Variants in GRM7 observed in about 807,000 individuals in gnomAD.
The protein encoded by GRM7 is glutamate metabotropic receptor 7.
GRM7 carries 35 observed loss-of-function variants against 84.5 expected under a neutral mutation model. The ratio of observed to expected loss-of-function variants is 0.41; its 90% CI spans 0.32 to 0.55. GRM7 has a LOEUF of 0.55. Ranked by LOEUF, GRM7 falls within the 20% of genes least tolerant of loss-of-function variation. GRM7 has a pLI of 0.19. For missense variants in GRM7, 1,003 were observed against 1,194.6 expected (o/e 0.84, Z 2.36); for synonymous variants, 487 against 455.1 (o/e 1.07, Z -0.89).
chr3:7,600,476 G>A (rs543190465), intron 8 of GRM7, among the ~76,000 whole-genome samples: 63 of 152,168 alleles, frequency 4.1e-4, no homozygotes, highest in Middle Eastern at 6.8e-3. Context: ...CAACACAAAT[G>A]ACCTAGTTAT....
At chr3:7,378,043 C>T (rs1170147383) in intron 4 of GRM7, among the ~76,000 whole-genome samples, 6 of 152,150 alleles carry the variant, frequency 3.9e-5, no homozygotes, top group Admixed American at 2.6e-4. Context: ...CATCCCAATT[C>T]ATGTAGTTTT....
chr3:6,970,241 GC>G (rs1221278182), intron 1 of GRM7, among the ~76,000 whole-genome samples: 1 of 148,800 alleles, frequency 6.7e-6, no homozygotes, highest in Non-Finnish European at 1.5e-5. Flanking sequence ...ACAGGTTGCA[GC>G]TAATGTTTAA....
intron 1 of GRM7, among the ~76,000 whole-genome samples, chr3:7,017,334 A>G (rs1695600706): frequency 6.6e-6 from 1 of 152,226 alleles, no homozygotes. Context: ...ACTAATAAGC[A>G]ACTAAGCTGG....
Position 6,965,045 on chromosome 3 carries a change from G to A in GRM7, c.519+103138G>A, listed in dbSNP as rs530406321. Among the ~76,000 whole-genome samples the A allele has an allele frequency of 2.0e-5, 3 of 152,178 alleles. No homozygotes were observed. In the South Asian group the frequency reaches 6.2e-4, roughly 31 times the overall value. ...TGACCAATTAACCATTGTGGGAAAT[G>A]TGGGTACCAGGGAAGCAGCAAGTAA... On this transcript the variant is annotated intron_variant, in intron 1 of 9. Coordinates refer to ENST00000357716, the MANE Select transcript of GRM7 (RefSeq NM_000844.4).
intron 7 of GRM7, among the ~76,000 whole-genome samples, chr3:7,505,262 C>G (rs1051490360): frequency 3.9e-5 from 6 of 152,230 alleles, no homozygotes; most frequent in Non-Finnish European, 7.3e-5. Flanking sequence ...CTTTGGAGGG[C>G]TCCGCCTATG....
intron 4 of GRM7, among the ~76,000 whole-genome samples, chr3:7,323,382 T>A (rs774060296): frequency 3.3e-5 from 5 of 152,092 alleles, no homozygotes; most frequent in Non-Finnish European, 5.9e-5. Context: ...CAACAAAAAC[T>A]AAAAACAAAC....
chr3:7,563,739 G>T (rs924636374), intron 7 of GRM7, among the ~76,000 whole-genome samples: 11 of 152,146 alleles, frequency 7.2e-5, no homozygotes, highest in African/African-American at 2.4e-4. Context: ...ACAATCAAAT[G>T]AAAAGTCTGC....
chr3:6,863,907 G>T lies in GRM7; in HGVS notation c.519+2000G>T, dbSNP rs1339791581. Among the ~76,000 whole-genome samples, 1 of 152,132 alleles carries T rather than the reference G, an allele frequency of 6.6e-6. No individual in the cohort carries two copies. The highest frequency in any genetic ancestry group is 2.4e-5 in the African/African-American group (1 of 41,424). On this transcript the variant is annotated intron_variant, in intron 1 of 9. Coordinates refer to ENST00000357716, the MANE Select transcript of GRM7 (RefSeq NM_000844.4). This position sits in a 1 kb window ranked among gnomAD's most constrained non-coding sequence, Gnocchi z 4.8. ...AGTGAAATGTTAAAGTCAAGAAAGGGGTTACAGACTAGGCTGAGGGACTGT... is the reference window on the plus strand; with the variant it reads ...AGTGAAATGTTAAAGTCAAGAAAGGTGTTACAGACTAGGCTGAGGGACTGT...
intron 9 of GRM7, among the ~76,000 whole-genome samples, chr3:7,739,103 A>G (rs1174429498): frequency 2.0e-5 from 3 of 152,210 alleles, no homozygotes; most frequent in African/African-American, 7.2e-5. Context: ...ATGGTTTAAT[A>G]TAGAAATAAG....
chr3:7,737,538 T>G (rs1439470921), intron 9 of GRM7, among the ~76,000 whole-genome samples: 3 of 152,192 alleles, frequency 2.0e-5, no homozygotes, highest in Non-Finnish European at 4.4e-5. Context: ...TAAATGGAAT[T>G]ATCAGACACC....
rs142931775 is a variant in GRM7, at chr3:7,396,684, A to G, written c.1034-18339A>G. Among the ~76,000 whole-genome samples the G allele has an allele frequency of 4.3e-3, 649 of 152,224 alleles. 2 individuals are homozygous for G. Among genetic ancestry groups the G allele is most frequent in the African/African-American group, 0.013 (523 of 41,552 alleles). On this transcript the variant is annotated intron_variant, in intron 4 of 9. Coordinates refer to ENST00000357716, the MANE Select transcript of GRM7 (RefSeq NM_000844.4). ...TTGGGATGGATGGGTAGCTGGGAGT[A>G]TAAAATGAGCTCAGTCTGGTGATCT...
In GRM7 at chr3:6,867,312, C is replaced by T. The variant is rs564082519; in HGVS notation, c.519+5405C>T. ...TACTTTAAACATAATTCTTTTAGCC[C>T]AGCTTCGGGACATTCAAGACTCGAT... On this transcript the variant is annotated intron_variant, in intron 1 of 9. Transcript: ENST00000357716. Among the ~76,000 whole-genome samples, 8 of 152,096 alleles carry T rather than the reference C, an allele frequency of 5.3e-5. No homozygotes were observed. The South Asian group carries it at 1.0e-3, about 20-fold the overall frequency.
intron 1 of GRM7, among the ~76,000 whole-genome samples, chr3:7,134,339 A>C (rs947437478): frequency 6.6e-6 from 1 of 152,240 alleles, no homozygotes; most frequent in East Asian, 1.9e-4. Context: ...GTGATAGTCT[A>C]TCTCTATTCC....
chr3:7,333,209 C>T (rs1250632517), intron 4 of GRM7, among the ~76,000 whole-genome samples: 1 of 152,180 alleles, frequency 6.6e-6, no homozygotes, highest in Non-Finnish European at 1.5e-5. Flanking sequence ...AACCAGTGCA[C>T]TAAGCAAAAC....
At chr3:7,381,133 A>G (rs1042677290) in intron 4 of GRM7, among the ~76,000 whole-genome samples, 7 of 151,966 alleles carry the variant, frequency 4.6e-5, no homozygotes, top group Non-Finnish European at 1.0e-4. Context: ...AGTATCATCT[A>G]CTTCCTTGAC....
chr3:7,116,957 A>C (rs12486564), intron 1 of GRM7, among the ~76,000 whole-genome samples: 41,113 of 152,050 alleles, frequency 0.27, 5,821 homozygotes, highest in African/African-American at 0.34. Flanking sequence ...AGAGCTTAAA[A>C]TCAAGTTAGG....
At chr3:7,273,558 T>C (rs923838599) in intron 2 of GRM7, among the ~76,000 whole-genome samples, 4 of 152,132 alleles carry the variant, frequency 2.6e-5, no homozygotes, top group Admixed American at 2.0e-4. Context: ...ATACACATTA[T>C]GTATTGTTAT....
chr3:7,201,036 C>T (rs1696051421), intron 2 of GRM7, among the ~76,000 whole-genome samples: 1 of 135,624 alleles, frequency 7.4e-6, no homozygotes, highest in Non-Finnish European at 1.5e-5. Flanking sequence ...GTGGCACGAT[C>T]TCGGCTCACT....
intron 7 of GRM7, among the ~76,000 whole-genome samples, chr3:7,537,187 G>A (rs1701274776): frequency 6.6e-6 from 1 of 151,902 alleles, no homozygotes; most frequent in African/African-American, 2.4e-5. Flanking sequence ...TCTAAGCTTG[G>A]GTTCTCTCTC....
Sources: gnomAD v4.1 joint callset for allele counts (sites outside exome capture counted in the v4.1 genomes callset) on GRCh38, gnomAD v4.1.1 for gene constraint, Gnocchi (gnomAD v3.1) non-coding constraint, MANE v1.5 for transcripts, NCBI Gene and HGNC (gene_info 2026-07-23, HGNC 2026-07-21) for gene names.